The following ASTN2 variants were observed in gnomAD, a reference collection of about 807,000 sequenced individuals.
The protein encoded by ASTN2 is astrotactin 2.
A neutral mutation model predicts 139.8 loss-of-function variants in ASTN2; 54 were observed. The observed-to-expected ratio is 0.39, with a 90% CI of 0.31 to 0.48. The LOEUF (loss-of-function observed/expected upper bound fraction) is 0.48. Ranked by LOEUF, ASTN2 falls within the 20% of genes least tolerant of loss-of-function variation. The pLI is 0.95. For missense variants in ASTN2, 1,565 were observed against 1,725.1 expected, an observed-to-expected ratio of 0.91 and a Z score of 1.64; for synonymous variants, 756 against 719.5, an observed-to-expected ratio of 1.05 and a Z score of -0.81.
intron 2 of ASTN2, among the ~76,000 whole-genome samples, chr9:117,260,876 T>C (rs7047332): frequency 0.64 from 96,553 of 151,936 alleles, 31,623 homozygotes; most frequent in East Asian, 0.73. Flanking sequence ...TAGCTTAAAT[T>C]GACGGGGAAG....
intron 19 of ASTN2, among the ~76,000 whole-genome samples, chr9:116,594,964 C>A (rs186733381): frequency 2.6e-5 from 4 of 152,272 alleles, no homozygotes; most frequent in Non-Finnish European, 5.9e-5. Context: ...CATACATACA[C>A]ACATACATAC....
intron 11 of ASTN2, among the ~76,000 whole-genome samples, chr9:116,857,638 C>T (rs944890615): frequency 1.3e-5 from 2 of 152,196 alleles, no homozygotes; most frequent in Non-Finnish European, 2.9e-5. Flanking sequence ...TACCTCCCTA[C>T]ATGAACTTGA....
chr9:116,548,201 A>G (rs1004927395), intron 19 of ASTN2, among the ~76,000 whole-genome samples: 2 of 152,210 alleles, frequency 1.3e-5, no homozygotes, highest in African/African-American at 4.8e-5. Context: ...AGGCTCTGGC[A>G]GTCAGGAGGC....
chr9:117,016,660 T>TATATAGGTTAA (rs1837709804), intron 6 of ASTN2, among the ~76,000 whole-genome samples: 1 of 98,306 alleles, frequency 1.0e-5, no homozygotes, highest in Non-Finnish European at 2.0e-5. Context: ...ATATATAACC[T>TATATAGGTTAA]ATATATATGT....
At chr9:116,704,096 TTG>T (rs2132085380) in intron 16 of ASTN2, among the ~76,000 whole-genome samples, 1 of 152,334 alleles carries the variant, frequency 6.6e-6, no homozygotes, top group Non-Finnish European at 1.5e-5. Flanking sequence ...GAAGTCAGGC[TTG>T]TGTCTGAATC....
chr9:117,060,333 AGAAAGAAAGAGAGAAAG>A (rs1564406170), intron 5 of ASTN2, among the ~76,000 whole-genome samples: 2 of 78,714 alleles, frequency 2.5e-5, no homozygotes, highest in African/African-American at 1.3e-4. Context: ...AAAGAAAGAA[AGAAAGAAAGAGAGAAAG>A]AAAGAAAGAA....
intron 16 of ASTN2, among the ~76,000 whole-genome samples, chr9:116,672,822 T>C (rs1859279545): frequency 6.6e-6 from 1 of 152,198 alleles, no homozygotes; most frequent in African/African-American, 2.4e-5. Flanking sequence ...GGTGTTGGGG[T>C]TCTGTCTGAT....
intron 13 of ASTN2, among the ~76,000 whole-genome samples, chr9:116,750,567 C>A (rs58908251): frequency 0.013 from 1,998 of 152,258 alleles, 38 homozygotes; most frequent in African/African-American, 0.045. Flanking sequence ...TCTTTCTTCT[C>A]TTTCCCTCTC....
At chr9:117,341,358 A>G (rs901500111) in intron 1 of ASTN2, among the ~76,000 whole-genome samples, 1 of 152,196 alleles carries the variant, frequency 6.6e-6, no homozygotes, top group African/African-American at 2.4e-5. Flanking sequence ...AGATGGAGAT[A>G]CACAGACAGA....
At chr9:117,374,015 C>A (rs751707966) in intron 1 of ASTN2, among the ~76,000 whole-genome samples, 12 of 152,138 alleles carry the variant, frequency 7.9e-5, no homozygotes, top group Non-Finnish European at 1.6e-4. Flanking sequence ...ATCTTTTAGA[C>A]AGAAGGGGAA....
At chr9:116,426,927 A>G (rs1286110802) in intron 22 of ASTN2, among the ~76,000 whole-genome samples, 1 of 152,160 alleles carries the variant, frequency 6.6e-6, no homozygotes, top group Non-Finnish European at 1.5e-5. Context: ...GATTGCTGGA[A>G]TGCGCCCTCA....
chr9:117,285,135 C>A (rs1834416531), intron 2 of ASTN2, among the ~76,000 whole-genome samples: 1 of 152,166 alleles, frequency 6.6e-6, no homozygotes, highest in South Asian at 2.1e-4. Context: ...AAAATAAACA[C>A]AATATTTCAG....
intron 3 of ASTN2, among the ~76,000 whole-genome samples, chr9:117,202,355 G>A (rs138698486): frequency 6.7e-4 from 102 of 152,190 alleles, no homozygotes; most frequent in South Asian, 4.4e-3. Context: ...AGTTAGTATC[G>A]TTATGTGTGA....
intron 1 of ASTN2, among the ~76,000 whole-genome samples, chr9:117,295,931 G>A (rs1126389): frequency 0.37 from 55,705 of 151,628 alleles, 11,630 homozygotes; most frequent in East Asian, 0.57. Flanking sequence ...GCTGGTCATC[G>A]CAGGGGCATG....
intron 10 of ASTN2, among the ~76,000 whole-genome samples, chr9:116,974,842 C>T (rs1004498280): frequency 2.0e-5 from 3 of 152,034 alleles, no homozygotes; most frequent in African/African-American, 7.2e-5. Context: ...ATAAATTAGC[C>T]CAAAGCACAT....
intron 19 of ASTN2, among the ~76,000 whole-genome samples, chr9:116,502,159 A>C (rs1380915611): frequency 7.5e-6 from 1 of 133,914 alleles, no homozygotes; most frequent in Admixed American, 8.0e-5. Flanking sequence ...GTGTGTGTGT[A>C]TGTGTATGCA....
At chr9:116,586,833 C>CAT (rs1554717110) in intron 19 of ASTN2, among the ~76,000 whole-genome samples, 5,283 of 117,882 alleles carry the variant, frequency 0.045, 101 homozygotes, top group South Asian at 0.06. Flanking sequence ...CACATACATA[C>CAT]ACACACACAC....
chr9:117,043,125 C>A (rs949778310), intron 5 of ASTN2, among the ~76,000 whole-genome samples: 4 of 152,314 alleles, frequency 2.6e-5, no homozygotes, highest in Non-Finnish European at 5.9e-5. Context: ...CCGACCTCAG[C>A]CTCCCAAACT....
intron 4 of ASTN2, among the ~76,000 whole-genome samples, chr9:117,111,939 C>T (rs1044588485): frequency 6.6e-6 from 1 of 151,746 alleles, no homozygotes; most frequent in East Asian, 1.9e-4. Flanking sequence ...ATTACTTTAG[C>T]ATGATTGAAA....
Sources: allele counts gnomAD v4.1 joint callset (sites outside exome capture counted in the v4.1 genomes callset), GRCh38; gene constraint gnomAD v4.1.1; transcripts MANE v1.5; gene names NCBI Gene and HGNC (gene_info 2026-07-23, HGNC 2026-07-21).